Variants in CAPNS1 observed in about 807,000 individuals in gnomAD.
The protein encoded by CAPNS1 is calpain small subunit 1, also known as CANP small subunit.
CAPNS1 carries 32 observed loss-of-function variants against 39.2 expected under a neutral mutation model. The ratio of observed to expected loss-of-function variants is 0.82; its 90% confidence interval spans 0.62 to 1.10. The LOEUF is 1.10. Ranked by LOEUF, CAPNS1 falls within the 50% of genes least tolerant of loss-of-function variation. CAPNS1 has a pLI of 0.00. For missense variants in CAPNS1, 353 were observed against 373.1 expected (o/e 0.95, Z 0.44); for synonymous variants, 153 against 136.2 (o/e 1.12, Z -0.86).
chr19:36,145,045 A>C (rs1974513996), intron 6 of CAPNS1, among the ~76,000 whole-genome samples: 2 of 152,148 alleles, frequency 1.3e-5, no homozygotes, highest in South Asian at 4.1e-4. Context: ...CTGAGTGGAC[A>C]TCAGGTGGAT....
At chr19:36,142,872 C>A (rs1462525059) in intron 4 of CAPNS1, 37 bp from the exon 5 acceptor site, 4 of 1,611,726 alleles carry the variant, frequency 2.5e-6, no homozygotes, top group Non-Finnish European at 3.4e-6. Flanking sequence ...AGACCCCTTT[C>A]AGTCACCCCT....
chr19:36,141,387 G>C lies in CAPNS1; in HGVS notation c.209+167G>C, dbSNP rs550304775. Reference sequence around the variant, plus strand: ...CTGGTTTGAGAGTTCTGCTGTAAGGGGGTGGACCCCAGTGAGGCGGATATC... The same window carrying C: ...CTGGTTTGAGAGTTCTGCTGTAAGGCGGTGGACCCCAGTGAGGCGGATATC... On this transcript the variant is annotated intron_variant, in intron 2 of 10. Coordinates refer to ENST00000246533, the MANE Select transcript of CAPNS1 (RefSeq NM_001749.4). The C allele has an allele frequency of 3.0e-6, 4 of 1,341,922 alleles. No homozygotes were observed. The East Asian group carries it at 9.4e-5, about 32-fold the overall frequency. The allele number at this position is 1,341,922 out of a possible 1,614,324, so 83.1% of individuals were successfully genotyped here. A position where few individuals can be genotyped will look rare whatever the true frequency, so the allele number is the denominator to read the frequency against.
rs1336408750 is a variant in CAPNS1 at position 36,142,759 on chromosome 19, C to T, written c.333+18C>T. 6.2e-7 allele frequency: 1 copy of T among 1,608,052 alleles called. No homozygotes were observed. The highest frequency in any genetic ancestry group is 1.7e-5 in the Admixed American group (1 of 60,004). On this transcript the variant is annotated intron_variant, in intron 4 of 10. Transcript: ENST00000246533. ...CTGGAGATGTAAGTAACCTGGGGTC[C>T]CTGGCCCCGTCCTAACCGTTCCATC... is the stretch of plus-strand genomic sequence containing the variant.
intron 9 of CAPNS1, among the ~76,000 whole-genome samples, chr19:36,149,148 C>G (rs938070289): frequency 6.6e-6 from 1 of 152,228 alleles, no homozygotes; most frequent in Admixed American, 6.5e-5. Context: ...GATTCCAATC[C>G]TGATTTCTTC....
intron 4 of CAPNS1, 58 bp from the exon 5 acceptor site, chr19:36,142,851 A>G (rs371615875): frequency 1.5e-4 from 237 of 1,601,242 alleles, no homozygotes; most frequent in Non-Finnish European, 1.9e-4. Flanking sequence ...CCCATTCTCC[A>G]TGACATTCTC....
chr19:36,143,818 G>T, intron 6 of CAPNS1, among the ~76,000 whole-genome samples: 1 of 148,586 alleles, frequency 6.7e-6, no homozygotes, highest in East Asian at 2.0e-4. Context: ...AGCCGAGATC[G>T]CGCCACTGCA....
In CAPNS1 at chr19:36,145,997, A is replaced by G; in HGVS notation, c.547A>G (p.Thr183Ala). Residue 183 changes from threonine to alanine, a missense_variant, in exon 8 of 11, where the codon ACT becomes GCT. Thr to Ala is a moderately conservative substitution (Grantham distance 58). Coordinates refer to ENST00000246533, the MANE Select transcript of CAPNS1 (RefSeq NM_001749.4). ...ACAGGCCATATACAAACAGTTCGAC[A>G]CTGACCGATCAGGGACCATTTGCAG... ...RWQAIYKQFD[T>A]DRSGTICSSE... 1 of 1,614,208 alleles carries G rather than the reference A, an allele frequency of 6.2e-7. No individual in the cohort carries two copies. The highest frequency in any genetic ancestry group is 1.3e-5 in the African/African-American group (1 of 75,054).
chr19:36,148,527 A>G (rs1463331594), intron 9 of CAPNS1, among the ~76,000 whole-genome samples: 19 of 141,472 alleles, frequency 1.3e-4, no homozygotes, highest in Non-Finnish European at 1.4e-4. Context: ...AAAAAAAAAA[A>G]GGGCTGGGCA....
At chr19:36,140,755 T>C in intron 1 of CAPNS1, 4 of 443,204 alleles carry the variant, frequency 9.0e-6, no homozygotes, top group South Asian at 3.6e-5. Context: ...CACCCTCCCC[T>C]TCACGCGTGC....
intron 2 of CAPNS1, 123 bp downstream of exon 2, chr19:36,141,343 T>G (rs1974366606): frequency 1.5e-6 from 2 of 1,377,044 alleles, no homozygotes; most frequent in Non-Finnish European, 1.9e-6. Flanking sequence ...CCTGGGTACA[T>G]GAATTAGGCC....
chr19:36,142,613 G>A, intron 3 of CAPNS1, 39 bp from the exon 4 acceptor site: 1 of 1,577,686 alleles, frequency 6.3e-7, no homozygotes, highest in Non-Finnish European at 8.7e-7. Context: ...TCCTGGCCGG[G>A]TTCCCCTCCC....
rs1164590431 is a variant in CAPNS1, at chr19:36,141,062, A to T, written c.51A>T (p.Gly17=). ...FLKGGGGGGG[G]GGGLGGGLGN... ...AGGGCGGCGGCGGCGGCGGCGGGGG[A>T]GGCGGGGGCCTGGGTGGGGGCCTGG... Residue 17 remains glycine, a synonymous_variant, in exon 2 of 11, where the codon GGA becomes GGT. Transcript: ENST00000246533. 7.0e-6 allele frequency: 5 copies of T among 715,364 alleles called. No individual in the cohort carries two copies. Among genetic ancestry groups the T allele is most frequent in the Non-Finnish European group, 1.0e-5 (5 of 490,700 alleles). 44.3% of individuals were successfully genotyped at this position (715,364 alleles called of 1,614,324 possible).
intron 2 of CAPNS1, 190 bp downstream of exon 2, chr19:36,141,410 A>G: frequency 1.5e-6 from 2 of 1,327,704 alleles, no homozygotes; most frequent in Non-Finnish European, 1.9e-6. Context: ...TGAGGCGGAT[A>G]TCAGTCATTG....
In CAPNS1 at chr19:36,141,149, C is replaced by CGGCGGTGGTGGAGGCGGCGGT. The variant is rs777440013; in HGVS notation, c.147_167dup (p.Gly50_Gly56dup). 26 of 1,385,954 alleles carry CGGCGGTGGTGGAGGCGGCGGT rather than the reference C, an allele frequency of 1.9e-5. No homozygotes were observed. The highest frequency in any genetic ancestry group is 2.2e-5 in the Non-Finnish European group (24 of 1,073,268). The allele number at this position is 1,385,954 out of a possible 1,614,324, so 85.9% of individuals were successfully genotyped here. A position where few individuals can be genotyped will look rare whatever the true frequency, so the allele number is the denominator to read the frequency against. On this transcript the variant is annotated inframe_insertion, in exon 2 of 11. Transcript: ENST00000246533. Reference sequence around the variant, plus strand: ...GCGGCGGCGGCGGCGGCGGCGGCGGCGGCGGTGGTGGAGGCGGCGGTGGCG... The same window carrying CGGCGGTGGTGGAGGCGGCGGT: ...GCGGCGGCGGCGGCGGCGGCGGCGGCGGCGGTGGTGGAGGCGGCGGTGGCGGTGGTGGAGGCGGCGGTGGCG...
chr19:36,141,660 C>A, intron 2 of CAPNS1: 2 of 959,420 alleles, frequency 2.1e-6, no homozygotes, highest in Non-Finnish European at 2.5e-6. Context: ...GAGGTGAGCC[C>A]AGGAGGAAGC....
chr19:36,144,059 C>G (rs1241477979), intron 6 of CAPNS1: 1 of 149,834 alleles, frequency 6.7e-6, no homozygotes, highest in Non-Finnish European at 1.5e-5. Flanking sequence ...GCCTGTAGTC[C>G]CAGCTACTCG....
rs952717774 is a variant in CAPNS1, at chr19:36,150,087, G to C, written c.*248G>C. The stretch of plus-strand genomic sequence containing the variant: ...CCACGGGTCTCCCCATTCCCACCAG[G>C]CCCTGCACACACCCACTCCGTAACC... On this transcript the variant is annotated 3_prime_UTR_variant, in exon 11 of 11. Transcript: ENST00000246533. The C allele has an allele frequency of 5.1e-6, 2 of 395,346 alleles. No homozygotes were observed. The highest frequency in any genetic ancestry group is 8.9e-6 in the Non-Finnish European group (2 of 224,318). The allele number at this position is 395,346 out of a possible 1,614,324, so 24.5% of individuals were successfully genotyped here.
chr19:36,145,967 T>C lies in CAPNS1; in HGVS notation c.526-9T>C. On this transcript the variant is annotated splice_polypyrimidine_tract_variant and intron_variant, in intron 7 of 10. Transcript: ENST00000246533. ...TGCTCACTTGGACCCAATGTCTCTG[T>C]CCTCACAGGCCATATACAAACAGTT... is the stretch of plus-strand genomic sequence containing the variant. The C allele has an allele frequency of 6.2e-7, 1 of 1,614,132 alleles. No individual in the cohort carries two copies. The highest frequency in any genetic ancestry group is 8.5e-7 in the Non-Finnish European group (1 of 1,179,952).
Position 36,142,323 on chromosome 19 carries a change from C to T in CAPNS1, c.233C>T (p.Pro78Leu), listed in dbSNP as rs992834312. 2.6e-6 allele frequency: 4 copies of T among 1,561,556 alleles called. No homozygotes were observed. The highest frequency in any genetic ancestry group is 1.4e-5 in the African/African-American group (1 of 73,174). Residue 78 changes from proline to leucine, a missense_variant, in exon 3 of 11, where the codon CCG (proline) becomes CTG (leucine). Pro to Leu is a moderately conservative substitution (Grantham distance 98). Transcript: ENST00000246533. ...AISEAAAQYN[P>L]EPPPPRTHYS... Reference sequence around the variant, plus strand: ...AGCGAGGCGGCTGCGCAGTACAACCCGGAGCCCCCGGTAAGCCCCCTCTGC... The same window carrying T: ...AGCGAGGCGGCTGCGCAGTACAACCTGGAGCCCCCGGTAAGCCCCCTCTGC...
Sources: gnomAD v4.1 joint callset for allele counts (sites outside exome capture counted in the v4.1 genomes callset) on GRCh38, gnomAD v4.1.1 for gene constraint, MANE v1.5 for transcripts, NCBI Gene and HGNC (gene_info 2026-07-23, HGNC 2026-07-21) for gene names.